The following RAB33B variants were observed in gnomAD, a reference collection of about 807,000 sequenced individuals.
RAB33B encodes the protein RAB33B, member RAS oncogene family, also known as ras-related protein Rab-33B.
In RAB33B, 6 loss-of-function variants were observed where a neutral mutation model predicts 15.0. The observed-to-expected ratio is 0.40, with a 90% confidence interval of 0.22 to 0.79. The LOEUF (loss-of-function observed/expected upper bound fraction) is 0.79. Among genes scored for constraint, RAB33B ranks in the 30% least tolerant of loss-of-function variants. RAB33B has a pLI of 0.37. For missense variants in RAB33B, 257 were observed against 296.4 expected (o/e 0.87, Z 0.98); for synonymous variants, 117 against 108.3 (o/e 1.08, Z -0.50).
At chr4:139,467,733 C>T (rs980546696) in intron 1 of RAB33B, among the ~76,000 whole-genome samples, 8 of 151,834 alleles carry the variant, frequency 5.3e-5, no homozygotes, top group Non-Finnish European at 7.4e-5. Flanking sequence ...TATCTTGCAC[C>T]TGTAGTCCCA....
intron 1 of RAB33B, among the ~76,000 whole-genome samples, chr4:139,467,410 G>T (rs1579180592): frequency 1.1e-4 from 6 of 56,304 alleles, no homozygotes; most frequent in East Asian, 5.8e-4. Flanking sequence ...ACAACATTTT[G>T]ATTTTTTTTA....
At chr4:139,455,411 G>A (rs1750050726) in intron 1 of RAB33B, among the ~76,000 whole-genome samples, 1 of 152,078 alleles carries the variant, frequency 6.6e-6, no homozygotes, top group African/African-American at 2.4e-5. Flanking sequence ...GATGGGGAGT[G>A]GTGGGAGAAC....
chr4:139,472,941 A>G lies in RAB33B; in HGVS notation c.505A>G (p.Thr169Ala). 6.2e-7 allele frequency: 1 copy of G among 1,614,220 alleles called. No homozygotes were observed. Among genetic ancestry groups the G allele is most frequent in the South Asian group, 1.1e-5 (1 of 91,082 alleles). Residue 169 changes from threonine to alanine, a missense_variant, in exon 2 of 2, where the codon ACA (threonine) becomes GCA (alanine). Transcript: ENST00000305626. ...AGACTTGGCACAAAAATTTGCTGAC[A>G]CACACAGTATGCCTTTGTTTGAAAC... is the stretch of plus-strand genomic sequence containing the variant. ...PTDLAQKFAD[T>A]HSMPLFETSA...
the RAB33B span, among the ~76,000 whole-genome samples, chr4:139,445,058 C>T: frequency 1.3e-5 from 2 of 152,230 alleles, no homozygotes; most frequent in South Asian, 2.1e-4. Context: ...TGGAGAATGA[C>T]AGTCAATTAT....
Position 139,473,547 on chromosome 4 carries a change from C to A in RAB33B, c.*421C>A, listed in dbSNP as rs1561008736. On this transcript the variant is annotated 3_prime_UTR_variant, in exon 2 of 2. Coordinates refer to ENST00000305626, the MANE Select transcript of RAB33B (RefSeq NM_031296.3). The stretch of plus-strand genomic sequence containing the variant: ...CTGGTATTTGCCTCTCCCCAGAGTA[C>A]TTTTTTTGTTTTTTCATAGAGACGG... 1 of 160,840 alleles carries A rather than the reference C, an allele frequency of 6.2e-6. No homozygotes were observed. Among genetic ancestry groups the A allele is most frequent in the Non-Finnish European group, 1.4e-5 (1 of 73,104 alleles). 10.0% of individuals were successfully genotyped at this position (160,840 alleles called of 1,614,324 possible). A position where few individuals can be genotyped will look rare whatever the true frequency, so the allele number is the denominator to read the frequency against.
Position 139,476,503 on chromosome 4 carries a change from C to T in RAB33B, c.*3377C>T, listed in dbSNP as rs1214882173. On this transcript the variant is annotated 3_prime_UTR_variant, in exon 2 of 2. Coordinates refer to ENST00000305626, the MANE Select transcript of RAB33B (RefSeq NM_031296.3). ...ATTTTGGGAGCACGTTTGCTACAGC[C>T]TGTGTGGCAAGGGCGAATGCACTTG... is the stretch of plus-strand genomic sequence containing the variant. 6.6e-6 allele frequency: 1 copy of T among 152,152 alleles called. No individual in the cohort carries two copies. Among genetic ancestry groups the T allele is most frequent in the Non-Finnish European group, 1.5e-5 (1 of 68,034 alleles). The allele number at this position is 152,152 out of a possible 1,614,324, so 9.4% of individuals were successfully genotyped here.
intron 1 of RAB33B, among the ~76,000 whole-genome samples, chr4:139,455,509 C>A (rs1412293364): frequency 6.6e-6 from 1 of 152,116 alleles, no homozygotes; most frequent in Non-Finnish European, 1.5e-5. Flanking sequence ...CCCACCCCAA[C>A]GGGTTATACT....
chr4:139,472,781 T>C lies in RAB33B; in HGVS notation c.345T>C (p.Asp115=). The C allele has an allele frequency of 6.2e-7, 1 of 1,614,088 alleles. No individual in the cohort carries two copies. The highest frequency in any genetic ancestry group is 2.2e-5 in the East Asian group (1 of 44,892). ...RNVHAVVFVY[D]MTNMASFHSL... ...TACATGCTGTTGTCTTCGTGTATGA[T>C]ATGACCAACATGGCTAGTTTTCATA... Residue 115 remains aspartate, a synonymous_variant, in exon 2 of 2, where the codon GAT becomes GAC. Coordinates refer to ENST00000305626, the MANE Select transcript of RAB33B (RefSeq NM_031296.3).
chr4:139,449,717 A>G (rs572483257), upstream of RAB33B: 66 of 151,990 alleles, frequency 4.3e-4, 1 homozygote, highest in African/African-American at 1.6e-3. Flanking sequence ...CTATTCTGGG[A>G]CCTTGTGATC....
chr4:139,457,848 T>C (rs1247860572), intron 1 of RAB33B, among the ~76,000 whole-genome samples: 1 of 152,232 alleles, frequency 6.6e-6, no homozygotes, highest in Non-Finnish European at 1.5e-5. Flanking sequence ...ACTACTTTAA[T>C]CCTTCTTATC....
At chr4:139,461,200 G>A (rs1338234447) in intron 1 of RAB33B, among the ~76,000 whole-genome samples, 1 of 152,200 alleles carries the variant, frequency 6.6e-6, no homozygotes. Flanking sequence ...GTGTGGGGGT[G>A]CGAACCTCTG....
the RAB33B span, among the ~76,000 whole-genome samples, chr4:139,443,738 T>C: frequency 6.1e-4 from 93 of 152,132 alleles, 4 homozygotes; most frequent in Non-Finnish European, 4.4e-5. Flanking sequence ...GCTGATGAAC[T>C]TTTTTTGCCA....
At chr4:139,470,008 A>G (rs2111084827) in intron 1 of RAB33B, among the ~76,000 whole-genome samples, 1 of 152,296 alleles carries the variant, frequency 6.6e-6, no homozygotes, top group East Asian at 1.9e-4. Context: ...TGAAGCCAGC[A>G]AAGCAGTGTG....
intron 1 of RAB33B, among the ~76,000 whole-genome samples, chr4:139,455,268 T>TAA (rs1425625807): frequency 6.6e-6 from 1 of 152,196 alleles, no homozygotes; most frequent in East Asian, 1.9e-4. Flanking sequence ...GTATAAACCT[T>TAA]AGACACACCT....
upstream of RAB33B, chr4:139,448,578 G>T (rs1290127572): frequency 6.6e-6 from 1 of 152,140 alleles, no homozygotes; most frequent in Non-Finnish European, 1.5e-5. Context: ...GGGATTACAG[G>T]CATGCACCAC....
At position 139,472,938 on chromosome 4, in the gene RAB33B, GAC is replaced by G; in HGVS notation, c.510_511del (p.His170GlnfsTer6). ...VPTDLAQKFA[D>X]THSMPLFETS... is the part of the protein sequence containing the mutation. ...CACAGACTTGGCACAAAAATTTGCT[GAC>G]ACACACAGTATGCCTTTGTTTGAAA... On this transcript the variant is annotated frameshift_variant, in exon 2 of 2. Coordinates refer to ENST00000305626, the MANE Select transcript of RAB33B (RefSeq NM_031296.3). LOFTEE classifies it high-confidence loss of function. The G allele has an allele frequency of 6.2e-7, 1 of 1,614,166 alleles. No individual in the cohort carries two copies. Among genetic ancestry groups the G allele is most frequent in the East Asian group, 2.2e-5 (1 of 44,878 alleles).
At chr4:139,450,073 A>G (rs1409555859), upstream of RAB33B, 1 of 152,196 alleles carries the variant, frequency 6.6e-6, no homozygotes, top group African/African-American at 2.4e-5. Flanking sequence ...GCTTCTGCAG[A>G]TAAAGTATAA....
chr4:139,471,764 T>C (rs1682521272), intron 1 of RAB33B, among the ~76,000 whole-genome samples: 1 of 152,232 alleles, frequency 6.6e-6, no homozygotes, highest in African/African-American at 2.4e-5. Flanking sequence ...CAGTTTATTT[T>C]TTCCTTTGAT....
chr4:139,469,612 G>T (rs763419600), intron 1 of RAB33B, among the ~76,000 whole-genome samples: 3 of 152,174 alleles, frequency 2.0e-5, no homozygotes, highest in Non-Finnish European at 2.9e-5. Flanking sequence ...GGTCTTCACT[G>T]TCTGGGCTTA....
Sources: gnomAD v4.1 joint callset for allele counts (sites outside exome capture counted in the v4.1 genomes callset) on GRCh38, gnomAD v4.1.1 for gene constraint, MANE v1.5 for transcripts, NCBI Gene and HGNC (gene_info 2026-07-23, HGNC 2026-07-21) for gene names.